Variants in ARHGEF28 observed in about 807,000 individuals in gnomAD.
The protein encoded by ARHGEF28 is 190 kDa guanine nucleotide exchange factor.
In ARHGEF28, 152 loss-of-function variants were observed where a neutral mutation model predicts 206.6. The observed-to-expected ratio is 0.74, with a 90% CI of 0.64 to 0.84. The LOEUF (loss-of-function observed/expected upper bound fraction) is 0.84. Among genes scored for constraint, ARHGEF28 ranks in the 40% least tolerant of loss-of-function variants. The pLI is 0.00. For missense variants in ARHGEF28, 2,028 were observed against 2,073.2 expected, an observed-to-expected ratio of 0.98 and a Z score of 0.42; for synonymous variants, 763 against 776.4, an observed-to-expected ratio of 0.98 and a Z score of 0.29.
intron 2 of ARHGEF28, among the ~76,000 whole-genome samples, chr5:73,686,674 C>T (rs533893223): frequency 7.4e-4 from 112 of 151,864 alleles, no homozygotes; most frequent in African/African-American, 1.6e-3. Context: ...ACCGCCACCA[C>T]GCCCGGCAAA....
rs1229451924 is a variant in ARHGEF28, at chr5:73,911,490, T to A, written c.4863T>A (p.Asn1621Lys). 6.2e-7 allele frequency: 1 copy of A among 1,613,966 alleles called. No homozygotes were observed. Among genetic ancestry groups the A allele is most frequent in the South Asian group, 1.1e-5 (1 of 91,048 alleles). ...DLKVDPSQPSNVSHKLWTAAG... is the reference protein window; with the variant it reads ...DLKVDPSQPSKVSHKLWTAAG... The stretch of plus-strand genomic sequence containing the variant: ...AGGTGGACCCTTCTCAGCCTTCGAA[T>A]GTCAGTCACAAACTGTGGACAGCCG... The change falls in exon 35 of 36, where the codon AAT becomes AAA. Residue 1621 changes from asparagine (N) to lysine (K), a missense_variant. Around this residue, in one of 3 missense-constraint regions of ARHGEF28, gnomAD observed 803 missense variants for 768.0 expected, o/e 1.05. Transcript: ENST00000513042.
In ARHGEF28 at chr5:73,864,804, C is replaced by A; in HGVS notation, c.2048-13C>A. ...TAAGATGGATGCTTTTGTATCTTTT[C>A]CCTTTATTTCAGACTGTAATGCAAA... On this transcript the variant is annotated splice_polypyrimidine_tract_variant and intron_variant, in intron 16 of 35. Coordinates refer to ENST00000513042, the MANE Select transcript of ARHGEF28 (RefSeq NM_001177693.2). The A allele has an allele frequency of 6.2e-7, 1 of 1,609,058 alleles. No homozygotes were observed. Among genetic ancestry groups the A allele is most frequent in the Non-Finnish European group, 8.5e-7 (1 of 1,177,392 alleles).
rs138463377 is a variant in ARHGEF28, at chr5:73,887,300, G to A, written c.3311-303G>A. Among the ~76,000 whole-genome samples, 1,310 of 152,264 alleles carry A rather than the reference G, an allele frequency of 8.6e-3. 16 individuals carry two copies. The highest frequency in any genetic ancestry group is 0.024 in the African/African-American group (997 of 41,548). The stretch of plus-strand genomic sequence containing the variant: ...TTTTTAATTCAGCACTTTTCCTGCC[G>A]AAGGTAAGAGTTTGCTCCATTTTAT... On this transcript the variant is annotated intron_variant, in intron 25 of 35. Transcript: ENST00000513042.
chr5:73,720,654 GA>G (rs1351966172), intron 2 of ARHGEF28, among the ~76,000 whole-genome samples: 1 of 152,208 alleles, frequency 6.6e-6, no homozygotes, highest in Non-Finnish European at 1.5e-5. Context: ...GTCCTCCTCT[GA>G]GCCTTGAAGA....
At chr5:73,865,899 G>A in intron 17 of ARHGEF28, 66 bp from the exon 18 acceptor site, 3 of 1,140,008 alleles carry the variant, frequency 2.6e-6, no homozygotes, top group Non-Finnish European at 3.8e-6. Context: ...GTGTAACTAT[G>A]TGGATATTCT....
At chr5:73,766,798 A>G (rs1157802786) in intron 4 of ARHGEF28, among the ~76,000 whole-genome samples, 1 of 152,382 alleles carries the variant, frequency 6.6e-6, no homozygotes, top group East Asian at 1.9e-4. Context: ...AGCATTATCT[A>G]ATACATTTAG....
At chr5:73,705,917 G>A (rs1009523736) in intron 2 of ARHGEF28, among the ~76,000 whole-genome samples, 12 of 152,176 alleles carry the variant, frequency 7.9e-5, no homozygotes, top group African/African-American at 2.7e-4. Flanking sequence ...CCTGTCTACC[G>A]TCTGCTTAGA....
rs1208914611 is a variant in ARHGEF28, at chr5:73,848,966, T to G, written c.1636-10T>G. ...TAAATTTTTAAACACTTTATTATAATCTCTTTTAGGAATCACTGCTTTCTG... is the reference window on the plus strand; with the variant it reads ...TAAATTTTTAAACACTTTATTATAAGCTCTTTTAGGAATCACTGCTTTCTG... On this transcript the variant is annotated splice_polypyrimidine_tract_variant and intron_variant, in intron 12 of 35. Coordinates refer to ENST00000513042, the MANE Select transcript of ARHGEF28 (RefSeq NM_001177693.2). The G allele has an allele frequency of 1.3e-6, 2 of 1,516,728 alleles. No homozygotes were observed. The allele number at this position is 1,516,728 out of a possible 1,614,324, so 94.0% of individuals were successfully genotyped here. A position where few individuals can be genotyped will look rare whatever the true frequency, so the allele number is the denominator to read the frequency against.
intron 2 of ARHGEF28, among the ~76,000 whole-genome samples, chr5:73,740,195 A>AT (rs1491209493): frequency 2.0e-5 from 3 of 148,370 alleles, no homozygotes; most frequent in Non-Finnish European, 4.5e-5. Context: ...AAAAAAAAAA[A>AT]GAAGGAGAAG....
intron 9 of ARHGEF28, among the ~76,000 whole-genome samples, chr5:73,823,221 GT>G (rs1756702146): frequency 6.6e-6 from 1 of 152,196 alleles, no homozygotes; most frequent in South Asian, 2.1e-4. Flanking sequence ...TGGAGAGTAA[GT>G]TTGGCAGATG....
intron 1 of ARHGEF28, among the ~76,000 whole-genome samples, chr5:73,681,410 T>C (rs1255640457): frequency 6.6e-6 from 1 of 152,212 alleles, no homozygotes; most frequent in Non-Finnish European, 1.5e-5. Flanking sequence ...GGGTGGCTGG[T>C]GAACAATTTA....
chr5:73,859,242 G>A (rs905958488), intron 16 of ARHGEF28, among the ~76,000 whole-genome samples: 1 of 152,182 alleles, frequency 6.6e-6, no homozygotes, highest in Admixed American at 6.5e-5. Flanking sequence ...CATTGCAGGG[G>A]CTTAGTAAGT....
At chr5:73,775,254 C>T (rs754972506) in intron 5 of ARHGEF28, among the ~76,000 whole-genome samples, 5 of 152,146 alleles carry the variant, frequency 3.3e-5, no homozygotes, top group Admixed American at 6.5e-5. Context: ...CGAGAAGATA[C>T]GTGTTTTAAA....
intron 9 of ARHGEF28, among the ~76,000 whole-genome samples, chr5:73,832,108 A>G (rs976416060): frequency 6.6e-6 from 1 of 152,232 alleles, no homozygotes; most frequent in Non-Finnish European, 1.5e-5. Flanking sequence ...ATAACGCTTG[A>G]AGTGGGCAAA....
chr5:73,792,086 G>A (rs1754516014), intron 7 of ARHGEF28, among the ~76,000 whole-genome samples: 1 of 152,140 alleles, frequency 6.6e-6, no homozygotes, highest in African/African-American at 2.4e-5. Flanking sequence ...GTTCTGTTTA[G>A]TTCTAGGTTA....
intron 11 of ARHGEF28, among the ~76,000 whole-genome samples, chr5:73,844,143 G>T (rs1209437809): frequency 6.6e-6 from 1 of 152,144 alleles, no homozygotes; most frequent in Non-Finnish European, 1.5e-5. Context: ...AATAAAAGTA[G>T]TAGCCCCATT....
intron 11 of ARHGEF28, among the ~76,000 whole-genome samples, chr5:73,845,143 A>G (rs1249894260): frequency 5.4e-5 from 8 of 148,756 alleles, no homozygotes; most frequent in Non-Finnish European, 8.9e-5. Context: ...TTAGCATCCC[A>G]AGTAGCTGGG....
At chr5:73,931,844 T>C (rs917149863) in intron 35 of ARHGEF28, among the ~76,000 whole-genome samples, 1 of 152,228 alleles carries the variant, frequency 6.6e-6, no homozygotes, top group Non-Finnish European at 1.5e-5. Flanking sequence ...ACCTACCATT[T>C]TGGATTGGCG....
intron 29 of ARHGEF28, 79 bp downstream of exon 29, chr5:73,894,654 G>T: frequency 6.7e-7 from 1 of 1,492,714 alleles, no homozygotes; most frequent in East Asian, 2.4e-5. Context: ...CATGCACTGT[G>T]GTCTTGGTGC....
Sources: gnomAD v4.1 joint callset for allele counts (sites outside exome capture counted in the v4.1 genomes callset) on GRCh38, gnomAD v4.1.1 for gene constraint, gnomAD v4.1.1 regional missense constraint, MANE v1.5 for transcripts, NCBI Gene and HGNC (gene_info 2026-07-23, HGNC 2026-07-21) for gene names.